Variants in LRRC27 observed in about 807,000 individuals in gnomAD.
LRRC27 encodes the protein leucine rich repeat containing 27.
In LRRC27, 57 loss-of-function variants were observed where a neutral mutation model predicts 55.0. The observed-to-expected ratio is 1.04, with a 90% CI of 0.84 to 1.29. The LOEUF is 1.29. Among genes scored for constraint, LRRC27 ranks in the 50% most tolerant of loss-of-function variants. The probability of loss-of-function intolerance (pLI) is 0.00; values close to 1 mark genes in which losing one functional copy is unlikely to be tolerated. For missense variants in LRRC27, 721 were observed against 651.5 expected (o/e 1.11, Z -1.16); for synonymous variants, 278 against 251.9 (o/e 1.10, Z -0.98).
chr10:132,330,971 G>T (rs930798497), upstream of LRRC27, among the ~76,000 whole-genome samples: 1 of 151,270 alleles, frequency 6.6e-6, no homozygotes, highest in Non-Finnish European at 1.5e-5. Flanking sequence ...GGGAGGCCGA[G>T]GGGGGCGGAT....
intron 7 of LRRC27, among the ~76,000 whole-genome samples, chr10:132,355,318 G>A (rs1344261051): frequency 6.6e-6 from 1 of 152,148 alleles, no homozygotes; most frequent in African/African-American, 2.4e-5. Context: ...CTCGTGATCC[G>A]CCCGCCTTGG....
chr10:132,335,848 A>T (rs1415494369), intron 2 of LRRC27, among the ~76,000 whole-genome samples: 1 of 152,184 alleles, frequency 6.6e-6, no homozygotes, highest in Non-Finnish European at 1.5e-5. Flanking sequence ...GCAGGCTGAT[A>T]AGAACGGACA....
intron 7 of LRRC27, chr10:132,353,375 T>A: frequency 9.4e-7 from 1 of 1,064,424 alleles, no homozygotes; most frequent in Non-Finnish European, 1.1e-6. Context: ...CTCCCCAACA[T>A]GAATAAACCC....
chr10:132,333,820 C>T (rs2066969277), intron 2 of LRRC27, 86 bp downstream of exon 2: 2 of 995,640 alleles, frequency 2.0e-6, no homozygotes, highest in Non-Finnish European at 3.0e-6. Flanking sequence ...TATTTGTAGG[C>T]TTCTTTCTCT....
rs1190882955 is a variant in LRRC27 at position 132,372,305 on chromosome 10, G to T, written c.1417-2761G>T. Among the ~76,000 whole-genome samples the T allele has an allele frequency of 1.3e-5, 2 of 152,152 alleles. No individual in the cohort carries two copies. The highest frequency in any genetic ancestry group is 2.1e-4 in the South Asian group (1 of 4,832). On this transcript the variant is annotated intron_variant, in intron 10 of 10. Coordinates refer to ENST00000368614, the MANE Select transcript of LRRC27 (RefSeq NM_030626.3). This position sits in a 1 kb window ranked among gnomAD's most constrained non-coding sequence, Gnocchi z 4.0. ...TGGGGGTCGGGGTGCGGTGACTCAC[G>T]CCTGCAATCCCAGCACTTTGGGAGG...
chr10:132,343,062 C>G (rs2067495308), intron 4 of LRRC27, among the ~76,000 whole-genome samples: 1 of 152,160 alleles, frequency 6.6e-6, no homozygotes, highest in African/African-American at 2.4e-5. Flanking sequence ...AATCTTAGCA[C>G]CTTGGGGCGC....
intron 10 of LRRC27, among the ~76,000 whole-genome samples, chr10:132,373,633 G>T (rs2069269806): frequency 6.6e-6 from 1 of 152,204 alleles, no homozygotes; most frequent in Non-Finnish European, 1.5e-5. Flanking sequence ...CCCATCTAGA[G>T]AGTCTTTCTC....
chr10:132,360,972 G>A (rs944599118), intron 8 of LRRC27, among the ~76,000 whole-genome samples: 13 of 152,204 alleles, frequency 8.5e-5, no homozygotes, highest in Admixed American at 5.2e-4. Flanking sequence ...TGGTCACGCC[G>A]CCGTTGGGGT....
At chr10:132,371,383 A>G (rs1467346004) in intron 10 of LRRC27, among the ~76,000 whole-genome samples, 2 of 152,194 alleles carry the variant, frequency 1.3e-5, no homozygotes, top group Non-Finnish European at 2.9e-5. Flanking sequence ...GAAAGCCCAG[A>G]GGTATGAAAA....
Position 132,342,285 on chromosome 10 carries a change from A to C in LRRC27, c.400+14A>C, listed in dbSNP as rs1197272144. On this transcript the variant is annotated intron_variant, in intron 4 of 10. Transcript: ENST00000368614. ...CTGTGGAGCTGGGTAAGTATAAAAT[A>C]ATAAAAAGATGATTTTAAAATGCTA... 6.9e-7 allele frequency: 1 copy of C among 1,456,342 alleles called. No individual in the cohort carries two copies. Among genetic ancestry groups the C allele is most frequent in the Non-Finnish European group, 9.3e-7 (1 of 1,079,416 alleles). The allele number at this position is 1,456,342 out of a possible 1,614,324, so 90.2% of individuals were successfully genotyped here. A position where few individuals can be genotyped will look rare whatever the true frequency, so the allele number is the denominator to read the frequency against.
At chr10:132,352,397 C>G (rs1192896756) in intron 7 of LRRC27, among the ~76,000 whole-genome samples, 1 of 104,140 alleles carries the variant, frequency 9.6e-6, no homozygotes, top group African/African-American at 3.9e-5. Flanking sequence ...GCATGGGCTC[C>G]CTTGTTTGTA....
intron 7 of LRRC27, chr10:132,353,000 A>G (rs1343551261): frequency 1.9e-6 from 3 of 1,610,608 alleles, no homozygotes; most frequent in Admixed American, 3.4e-5. Context: ...GTGTTGGCCG[A>G]TGGACTCGGT....
At chr10:132,364,048 G>A (rs1471593662) in intron 9 of LRRC27, among the ~76,000 whole-genome samples, 1 of 152,022 alleles carries the variant, frequency 6.6e-6, no homozygotes, top group African/African-American at 2.4e-5. Flanking sequence ...GCCCACAGCA[G>A]ACCACAGTGG....
chr10:132,347,952 G>A, intron 5 of LRRC27, 32 bp from the exon 6 acceptor site: 1 of 1,551,650 alleles, frequency 6.4e-7, no homozygotes, highest in Non-Finnish European at 8.7e-7. Context: ...GGCGTTGATG[G>A]TAGCTACTAA....
At chr10:132,356,004 A>C in intron 8 of LRRC27, 118 bp downstream of exon 8, 1 of 686,444 alleles carries the variant, frequency 1.5e-6, no homozygotes, top group Non-Finnish European at 2.6e-6. Context: ...GTGGGTGCTC[A>C]CACGCATCCC....
chr10:132,352,873 C>T lies in LRRC27; in HGVS notation c.1073+1120C>T, dbSNP rs2068124294. 3.1e-6 allele frequency: 5 copies of T among 1,613,660 alleles called. No individual in the cohort carries two copies. The South Asian group carries it at 4.4e-5, about 14-fold the overall frequency. On this transcript the variant is annotated intron_variant, in intron 7 of 10. Transcript: ENST00000368614. ...TTGTTCTTTTCCCTCATTTCTTGTT[C>T]TTCCTCAGTCCTTTCCTCCTCATTT...
chr10:132,350,421 C>T (rs1428055289), intron 6 of LRRC27: 1 of 152,358 alleles, frequency 6.6e-6, no homozygotes, highest in Admixed American at 6.5e-5. Flanking sequence ...GCCACCTGCC[C>T]TTCCAAAAGC....
chr10:132,364,057 GGCCCGCTAACCC>G (rs1283814708), intron 9 of LRRC27, among the ~76,000 whole-genome samples: 2 of 152,008 alleles, frequency 1.3e-5, no homozygotes, highest in Non-Finnish European at 2.9e-5. Flanking sequence ...AGACCACAGT[GGCCCGCTAACCC>G]CCCATCACCC....
intron 6 of LRRC27, chr10:132,350,826 A>G (rs2067969876): frequency 6.6e-6 from 1 of 152,302 alleles, no homozygotes; most frequent in Admixed American, 6.5e-5. Context: ...TGCAAGGGTC[A>G]TGGTGAGGAG....
Sources: gnomAD v4.1 joint callset for allele counts (sites outside exome capture counted in the v4.1 genomes callset) on GRCh38, gnomAD v4.1.1 for gene constraint, Gnocchi (gnomAD v3.1) non-coding constraint, MANE v1.5 for transcripts, NCBI Gene and HGNC (gene_info 2026-07-23, HGNC 2026-07-21) for gene names.